The following SPOCK1 variants were observed in gnomAD, a reference collection of about 807,000 sequenced individuals.
SPOCK1 encodes testican-1.
Under a neutral mutation model 55.3 loss-of-function variants are expected in SPOCK1, and 23 were observed. That is an observed-to-expected ratio of 0.42 (90% CI 0.30 to 0.59). The LOEUF is 0.59. SPOCK1 is among the 20% of genes least tolerant of loss of function. SPOCK1 has a pLI of 0.22. For synonymous variants in SPOCK1, 226 were observed against 221.0 expected, an observed-to-expected ratio of 1.02 and a Z score of -0.20; for missense variants, 499 against 552.5, an observed-to-expected ratio of 0.90 and a Z score of 0.97.
At chr5:137,023,779 A>G (rs2126981448) in intron 6 of SPOCK1, among the ~76,000 whole-genome samples, 1 of 152,194 alleles carries the variant, frequency 6.6e-6, no homozygotes, top group East Asian at 1.9e-4. Flanking sequence ...TTATGCTCTC[A>G]CAGAAATGAA....
intron 2 of SPOCK1, among the ~76,000 whole-genome samples, chr5:137,381,689 A>G (rs1373169495): frequency 6.6e-6 from 1 of 152,158 alleles, no homozygotes; most frequent in Non-Finnish European, 1.5e-5. Flanking sequence ...GTAGGGCGCC[A>G]TGTCCCAAGG....
At position 137,396,934 on chromosome 5, in the gene SPOCK1, T is replaced by TA. The variant is rs1341351571; in HGVS notation, c.186+101438dup. Among the ~76,000 whole-genome samples the TA allele has an allele frequency of 2.0e-5, 3 of 152,182 alleles. No homozygotes were observed. In the East Asian group the frequency reaches 5.8e-4, roughly 29 times the overall value. ...TAAGAACTCGCTCTCCAAAGAGCCT[T>TA]ACGCGTTTATACTTTGAATGCTTAA... On this transcript the variant is annotated intron_variant, in intron 2 of 10. Transcript: ENST00000394945.
chr5:137,373,886 T>C (rs926229311), intron 2 of SPOCK1, among the ~76,000 whole-genome samples: 2 of 152,218 alleles, frequency 1.3e-5, no homozygotes, highest in Non-Finnish European at 1.5e-5. Context: ...TCTTCTTTAA[T>C]AGAAAGAATC....
intron 5 of SPOCK1, among the ~76,000 whole-genome samples, chr5:137,106,189 C>T (rs1485217214): frequency 2.0e-5 from 3 of 151,346 alleles, no homozygotes; most frequent in Admixed American, 2.0e-4. Context: ...TTCTGAGCTC[C>T]CAGGAGCCCA....
intron 2 of SPOCK1, among the ~76,000 whole-genome samples, chr5:137,425,339 C>A (rs1230739765): frequency 6.6e-6 from 1 of 152,108 alleles, no homozygotes; most frequent in African/African-American, 2.4e-5. Flanking sequence ...AAAGATATAT[C>A]CTACTGCACA....
chr5:137,157,372 T>C (rs927722587), intron 3 of SPOCK1, among the ~76,000 whole-genome samples: 1 of 152,236 alleles, frequency 6.6e-6, no homozygotes, highest in Non-Finnish European at 1.5e-5. Context: ...TGTGTCATTA[T>C]TCTTCCTTTG....
chr5:137,215,103 T>G (rs1272445300), intron 3 of SPOCK1, among the ~76,000 whole-genome samples: 1 of 152,150 alleles, frequency 6.6e-6, no homozygotes, highest in Non-Finnish European at 1.5e-5. Context: ...GGTCTGTAAT[T>G]TCAATGGGAG....
At chr5:137,198,851 A>G (rs1205523312) in intron 3 of SPOCK1, among the ~76,000 whole-genome samples, 2 of 152,230 alleles carry the variant, frequency 1.3e-5, no homozygotes, top group African/African-American at 2.4e-5. Flanking sequence ...ATTTTTATAC[A>G]TAACTCTTCT....
intron 3 of SPOCK1, among the ~76,000 whole-genome samples, chr5:137,221,375 C>A (rs1168849361): frequency 6.6e-6 from 1 of 152,166 alleles, no homozygotes; most frequent in East Asian, 1.9e-4. Flanking sequence ...CTCCTAACCC[C>A]CCTAAAATGA....
chr5:136,984,518 C>T (rs1369008234), intron 9 of SPOCK1, among the ~76,000 whole-genome samples: 1 of 152,146 alleles, frequency 6.6e-6, no homozygotes, highest in East Asian at 1.9e-4. Context: ...GGACTTCCTC[C>T]ACGTGCTGGA....
chr5:137,000,148 C>T (rs1024241039), intron 6 of SPOCK1, among the ~76,000 whole-genome samples: 7 of 152,140 alleles, frequency 4.6e-5, no homozygotes, highest in Admixed American at 4.6e-4. Flanking sequence ...GGAGCAAGCT[C>T]GGAGGCCTCT....
intron 9 of SPOCK1, among the ~76,000 whole-genome samples, chr5:136,982,984 CTTTA>C (rs910639795): frequency 3.0e-4 from 45 of 152,060 alleles, no homozygotes; most frequent in Non-Finnish European, 6.3e-4. Context: ...TGTGGGTAAT[CTTTA>C]TTTATAATAG....
chr5:137,358,390 A>AAGGAAGG (rs1750863488), intron 2 of SPOCK1, among the ~76,000 whole-genome samples: 2 of 116,348 alleles, frequency 1.7e-5, no homozygotes, highest in Admixed American at 1.8e-4. Flanking sequence ...TTCATGACGG[A>AAGGAAGG]AAGGAAGGAA....
chr5:137,327,365 T>C (rs1462360415), intron 2 of SPOCK1, among the ~76,000 whole-genome samples: 1 of 152,214 alleles, frequency 6.6e-6, no homozygotes, highest in Non-Finnish European at 1.5e-5. Context: ...ATATAAAAAA[T>C]ACAGGTTTAT....
chr5:137,111,176 G>T (rs761001882), intron 5 of SPOCK1, among the ~76,000 whole-genome samples: 2 of 152,024 alleles, frequency 1.3e-5, no homozygotes, highest in African/African-American at 4.8e-5. Context: ...ATGGTGTGAG[G>T]GTCAAGGTGG....
intron 2 of SPOCK1, among the ~76,000 whole-genome samples, chr5:137,379,687 C>A (rs1418741254): frequency 6.6e-6 from 1 of 152,128 alleles, no homozygotes; most frequent in Admixed American, 6.5e-5. Context: ...CCATAAATCA[C>A]ACATGAAATC....
chr5:137,445,380 A>G (rs1334561338), intron 2 of SPOCK1, among the ~76,000 whole-genome samples: 1 of 152,198 alleles, frequency 6.6e-6, no homozygotes, highest in African/African-American at 2.4e-5. Flanking sequence ...AACCCTATGA[A>G]TGGTCTACTT....
chr5:137,358,261 A>G (rs574683450), intron 2 of SPOCK1, among the ~76,000 whole-genome samples: 234 of 152,042 alleles, frequency 1.5e-3, no homozygotes, highest in African/African-American at 5.1e-3. Flanking sequence ...ATACCTGCCA[A>G]GCATCCCCAA....
chr5:137,401,839 T>C (rs1297906903), intron 2 of SPOCK1, among the ~76,000 whole-genome samples: 1 of 152,050 alleles, frequency 6.6e-6, no homozygotes, highest in Non-Finnish European at 1.5e-5. Context: ...ATGATACACA[T>C]ATGCGTGATG....
Sources: allele counts gnomAD v4.1 joint callset (sites outside exome capture counted in the v4.1 genomes callset), GRCh38; gene constraint gnomAD v4.1.1; transcripts MANE v1.5; gene names NCBI Gene and HGNC (gene_info 2026-07-23, HGNC 2026-07-21).